Variants in TMEM11 observed in about 807,000 individuals in gnomAD.
TMEM11 encodes transmembrane protein 11.
In TMEM11, 1 loss-of-function variant was observed where a neutral mutation model predicts 17.0. The observed-to-expected ratio is 0.06, with a 90% CI of 0.02 to 0.28. The LOEUF (loss-of-function observed/expected upper bound fraction) is 0.28, where lower values mean the gene tolerates loss of function less well. Ranked by LOEUF, TMEM11 falls within the 10% of genes least tolerant of loss-of-function variation. The probability of loss-of-function intolerance (pLI) is 1.00; values close to 1 mark genes in which losing one functional copy is unlikely to be tolerated. For missense variants in TMEM11, 172 were observed against 252.9 expected, an observed-to-expected ratio of 0.68 and a Z score of 2.17; for synonymous variants, 122 against 118.1, an observed-to-expected ratio of 1.03 and a Z score of -0.21.
intron 1 of TMEM11, among the ~76,000 whole-genome samples, chr17:21,205,570 C>T (rs1347963209): frequency 2.0e-5 from 3 of 152,032 alleles, no homozygotes; most frequent in African/African-American, 4.8e-5. Flanking sequence ...AATATACCAC[C>T]GTAAGCACTT....
intron 1 of TMEM11, chr17:21,208,456 C>G (rs1974968295): frequency 6.6e-6 from 1 of 152,160 alleles, no homozygotes. Context: ...GCTCCAGAAC[C>G]TTCTCGGTGT....
chr17:21,203,703 G>GA (rs1230047161), intron 1 of TMEM11, among the ~76,000 whole-genome samples: 4 of 143,950 alleles, frequency 2.8e-5, no homozygotes, highest in Admixed American at 6.8e-5. Flanking sequence ...AGAAAAAAAA[G>GA]AAAAAAAAAG....
intron 1 of TMEM11, among the ~76,000 whole-genome samples, chr17:21,207,695 C>A (rs1467970377): frequency 6.6e-6 from 1 of 151,438 alleles, no homozygotes; most frequent in Admixed American, 6.6e-5. Flanking sequence ...TCAGACCAGC[C>A]TGGCCAACAT....
chr17:21,203,703 GAAA>G (rs1230047161), intron 1 of TMEM11, among the ~76,000 whole-genome samples: 30 of 143,868 alleles, frequency 2.1e-4, no homozygotes, highest in African/African-American at 8.0e-4. Context: ...AGAAAAAAAA[GAAA>G]AAAAAAGAAA....
At chr17:21,203,137 C>A (rs546345648) in intron 1 of TMEM11, among the ~76,000 whole-genome samples, 5 of 152,216 alleles carry the variant, frequency 3.3e-5, no homozygotes, top group Non-Finnish European at 7.4e-5. Flanking sequence ...AAGGACAACA[C>A]GTGAAGTCTA....
chr17:21,202,207 G>A (rs1275260293), intron 1 of TMEM11, among the ~76,000 whole-genome samples: 3 of 152,194 alleles, frequency 2.0e-5, no homozygotes, highest in African/African-American at 4.8e-5. Flanking sequence ...GGTAGGGGTG[G>A]AGGACCAAAT....
rs533140508 is a variant in TMEM11 at position 21,214,004 on chromosome 17, G to A, written c.62+87C>T. The stretch of plus-strand genomic sequence containing the variant: ...GGGGAGCGCGGGGAAACCAGGGAAG[G>A]AAGGCTGCTGCAGCCCTCGGAGGCC... On this transcript the variant is annotated intron_variant, in intron 1 of 1. Transcript: ENST00000317635. 4 of 1,282,302 alleles carry A rather than the reference G, an allele frequency of 3.1e-6. No homozygotes were observed. In the East Asian group the frequency reaches 7.5e-5, roughly 24 times the overall value. The allele number at this position is 1,282,302 out of a possible 1,614,324, so 79.4% of individuals were successfully genotyped here.
intron 1 of TMEM11, among the ~76,000 whole-genome samples, chr17:21,207,100 C>T (rs1974950215): frequency 6.6e-6 from 1 of 152,162 alleles, no homozygotes; most frequent in African/African-American, 2.4e-5. Context: ...TAAATGGAAT[C>T]CTGTAACGTG....
In TMEM11 at chr17:21,198,964, C is replaced by T. The variant is rs765710249; in HGVS notation, c.63-124G>A. The stretch of plus-strand genomic sequence containing the variant: ...CCTGCACTGCGGAGAGCACATCTCA[C>T]TTGGGTCCTCATCTCCTTTAAATCC... On this transcript the variant is annotated intron_variant, in intron 1 of 1. Coordinates refer to ENST00000317635, the MANE Select transcript of TMEM11 (RefSeq NM_003876.3). This position sits in a 1 kb window ranked among gnomAD's most constrained non-coding sequence, Gnocchi z 6.5. 2 of 1,014,290 alleles carry T rather than the reference C, an allele frequency of 2.0e-6. No individual in the cohort carries two copies. The highest frequency in any genetic ancestry group is 5.1e-5 in the East Asian group (2 of 39,598). 62.8% of individuals were successfully genotyped at this position (1,014,290 alleles called of 1,614,324 possible). A position where few individuals can be genotyped will look rare whatever the true frequency, so the allele number is the denominator to read the frequency against.
chr17:21,198,491 A>G lies in TMEM11; in HGVS notation c.412T>C (p.Tyr138His), dbSNP rs1199913555. The change falls in exon 2 of 2, where the codon TAC becomes CAC. Residue 138 changes from tyrosine (Y) to histidine (H), a missense_variant. Tyr to His is a moderately conservative substitution (Grantham distance 83). Transcript: ENST00000317635. The surrounding 1 kb of genome is among the most constrained non-coding windows in gnomAD (Gnocchi z 6.5). ...FDPCCKYQVE[Y>H]DAYKLSRLPL... ...AGGCGCGACAGTTTATAGGCGTCGT[A>G]CTCCACTTGGTACTTGCAGCAAGGG... 2 of 1,614,042 alleles carry G rather than the reference A, an allele frequency of 1.2e-6. No individual in the cohort carries two copies. Among genetic ancestry groups the G allele is most frequent in the Admixed American group, 1.7e-5 (1 of 60,002 alleles).
intron 1 of TMEM11, among the ~76,000 whole-genome samples, chr17:21,208,932 G>C (rs1166092490): frequency 1.3e-5 from 2 of 152,214 alleles, no homozygotes; most frequent in Non-Finnish European, 2.9e-5. Flanking sequence ...TTTTCACTTA[G>C]TGAAAGGGTC....
At chr17:21,203,275 C>T (rs1423164870) in intron 1 of TMEM11, among the ~76,000 whole-genome samples, 1 of 152,216 alleles carries the variant, frequency 6.6e-6, no homozygotes, top group South Asian at 2.1e-4. Context: ...CCGGCCACGA[C>T]CAGGCAGTCA....
chr17:21,211,337 GCAGTGATGGAA>G, intron 1 of TMEM11: 1 of 811,874 alleles, frequency 1.2e-6, no homozygotes, highest in African/African-American at 1.8e-5. Flanking sequence ...ATAACTTTCT[GCAGTGATGGAA>G]ATGTCCTCCA....
intron 1 of TMEM11, chr17:21,213,803 C>G (rs1205217237): frequency 4.1e-5 from 19 of 458,406 alleles, no homozygotes; most frequent in Non-Finnish European, 5.4e-5. Flanking sequence ...CTGCGCTGGG[C>G]GCCAGTTCCT....
chr17:21,199,087 CG>C (rs201185148), intron 1 of TMEM11, among the ~76,000 whole-genome samples: 6 of 151,278 alleles, frequency 4.0e-5, no homozygotes, highest in East Asian at 1.9e-4. Context: ...TTTGGGAGGC[CG>C]GGGGGGCGGA....
At chr17:21,204,553 T>G (rs533534809) in intron 1 of TMEM11, among the ~76,000 whole-genome samples, 169 of 151,672 alleles carry the variant, frequency 1.1e-3, no homozygotes, top group African/African-American at 3.8e-3. Context: ...CAGTATGCTA[T>G]ACGTAGTGTA....
Position 21,198,218 on chromosome 17 carries a change from C to T in TMEM11, c.*106G>A. On this transcript the variant is annotated 3_prime_UTR_variant, in exon 2 of 2. Transcript: ENST00000317635. The surrounding 1 kb of genome is among the most constrained non-coding windows in gnomAD (Gnocchi z 6.5). ...TTTTTTAAAAATAACAAATACTAAG[C>T]CAAACACCTGCCCAGGCTCTGCTGC... The T allele has an allele frequency of 7.1e-7, 1 of 1,410,960 alleles. No individual in the cohort carries two copies. Among genetic ancestry groups the T allele is most frequent in the Non-Finnish European group, 9.6e-7 (1 of 1,038,184 alleles). 87.4% of individuals were successfully genotyped at this position (1,410,960 alleles called of 1,614,324 possible).
chr17:21,211,094 G>C (rs1232665510), intron 1 of TMEM11: 1 of 1,289,860 alleles, frequency 7.8e-7, no homozygotes, highest in East Asian at 5.5e-5. Flanking sequence ...AGATGGGCAA[G>C]TGTGTCTCAA....
At chr17:21,206,324 C>T (rs1597771969) in intron 1 of TMEM11, among the ~76,000 whole-genome samples, 2 of 152,132 alleles carry the variant, frequency 1.3e-5, no homozygotes, top group South Asian at 2.1e-4. Flanking sequence ...CGGGCTTAAG[C>T]GAGTCTCCTG....
Sources: gnomAD v4.1 joint callset for allele counts (sites outside exome capture counted in the v4.1 genomes callset) on GRCh38, gnomAD v4.1.1 for gene constraint, Gnocchi (gnomAD v3.1) non-coding constraint, MANE v1.5 for transcripts, NCBI Gene and HGNC (gene_info 2026-07-23, HGNC 2026-07-21) for gene names.